MED27: variants seen among roughly 807,000 people sequenced by gnomAD.
MED27 encodes the protein mediator of RNA polymerase II transcription subunit 27.
Under a neutral mutation model 38.2 loss-of-function variants are expected in MED27, and 30 were observed. The observed-to-expected ratio is 0.79, with a 90% confidence interval of 0.59 to 1.07. The LOEUF is 1.07. MED27 is among the 50% of genes least tolerant of loss of function. The pLI, the probability that MED27 is intolerant of heterozygous loss-of-function variation, is 0.00. For missense variants in MED27, 289 were observed against 397.5 expected, an observed-to-expected ratio of 0.73 and a Z score of 2.32; for synonymous variants, 122 against 153.5, an observed-to-expected ratio of 0.79 and a Z score of 1.52.
chr9:131,980,323 C>G (rs1831703898), intron 3 of MED27, among the ~76,000 whole-genome samples: 1 of 152,066 alleles, frequency 6.6e-6, no homozygotes, highest in Non-Finnish European at 1.5e-5. Context: ...AAATGCTGGA[C>G]CAGGCAAAAT....
chr9:132,044,935 T>C, intron 2 of MED27, among the ~76,000 whole-genome samples: 1 of 152,114 alleles, frequency 6.6e-6, no homozygotes, highest in Non-Finnish European at 1.5e-5. Flanking sequence ...TTAGATCAAT[T>C]AGAGTTAAAA....
intron 4 of MED27, among the ~76,000 whole-genome samples, chr9:131,937,985 A>C (rs1416116302): frequency 6.6e-6 from 1 of 152,184 alleles, no homozygotes; most frequent in African/African-American, 2.4e-5. Flanking sequence ...TTTTCTATGA[A>C]AAAAACATCG....
At chr9:132,053,448 T>C (rs1412774968) in intron 2 of MED27, among the ~76,000 whole-genome samples, 6 of 151,124 alleles carry the variant, frequency 4.0e-5, no homozygotes, top group Non-Finnish European at 5.9e-5. Flanking sequence ...TTACCTCTTG[T>C]AACAAAAAAA....
In MED27 at chr9:132,033,639, T is replaced by C. The variant is rs555386166; in HGVS notation, c.349-19172A>G. Among the ~76,000 whole-genome samples, 3 of 152,354 alleles carry C rather than the reference T, an allele frequency of 2.0e-5. No individual in the cohort carries two copies. In the South Asian group the frequency reaches 6.2e-4, roughly 32 times the overall value. ...CCAACTGTTCTGAGATCTCTGCCAT[T>C]ATTGGCATAACTGGATGAGTTAATA... is the stretch of plus-strand genomic sequence containing the variant. On this transcript the variant is annotated intron_variant, in intron 2 of 7. Coordinates refer to ENST00000292035, the MANE Select transcript of MED27 (RefSeq NM_004269.4).
intron 3 of MED27, among the ~76,000 whole-genome samples, chr9:131,951,665 G>A (rs935625819): frequency 6.6e-6 from 1 of 152,244 alleles, no homozygotes; most frequent in Non-Finnish European, 1.5e-5. Context: ...AAGTAAAGGA[G>A]TGAACACAGC....
Position 132,079,846 on chromosome 9 carries a change from T to G in MED27, c.-2A>C, listed in dbSNP as rs1345101580. 6.3e-7 allele frequency: 1 copy of G among 1,577,292 alleles called. No homozygotes were observed. Reference sequence around the variant, plus strand: ...ACTGACATTTATCACGTCCGCCATGTTGCCGCCGCCACAGCAGCTCTCCAA... The same window carrying G: ...ACTGACATTTATCACGTCCGCCATGGTGCCGCCGCCACAGCAGCTCTCCAA... On this transcript the variant is annotated 5_prime_UTR_variant, in exon 1 of 8. Coordinates refer to ENST00000292035, the MANE Select transcript of MED27 (RefSeq NM_004269.4).
At chr9:131,877,721 C>T (rs1265576623) in intron 6 of MED27, among the ~76,000 whole-genome samples, 2 of 152,194 alleles carry the variant, frequency 1.3e-5, no homozygotes, top group Non-Finnish European at 2.9e-5. Context: ...GGGGAATGAT[C>T]CCATGTTGAA....
intron 2 of MED27, among the ~76,000 whole-genome samples, chr9:132,039,529 C>T (rs543446766): frequency 2.0e-5 from 3 of 152,252 alleles, no homozygotes; most frequent in Non-Finnish European, 4.4e-5. Flanking sequence ...GACTCCATCC[C>T]GAGGTACTGA....
chr9:131,950,431 C>T (rs111255789), intron 3 of MED27, among the ~76,000 whole-genome samples: 38 of 152,218 alleles, frequency 2.5e-4, no homozygotes, highest in Non-Finnish European at 2.4e-4. Flanking sequence ...AGGACTGTCG[C>T]TGTGGCACCT....
intron 6 of MED27, chr9:131,869,435 C>T (rs1333629602): frequency 3.1e-6 from 3 of 978,764 alleles, no homozygotes; most frequent in Non-Finnish European, 3.6e-6. Context: ...TAAATCCACT[C>T]TGTGGCAGCC....
chr9:131,887,109 AAAG>A (rs531463066), intron 5 of MED27, among the ~76,000 whole-genome samples: 11 of 152,364 alleles, frequency 7.2e-5, no homozygotes, highest in East Asian at 5.8e-4. Flanking sequence ...GAAAAACAGA[AAAG>A]AAGAATCTGC....
intron 2 of MED27, among the ~76,000 whole-genome samples, chr9:132,062,704 A>C (rs1322260184): frequency 1.3e-5 from 2 of 152,018 alleles, no homozygotes; most frequent in East Asian, 3.9e-4. Context: ...TATAGCCTCA[A>C]ACTCCTGGGC....
intron 3 of MED27, among the ~76,000 whole-genome samples, chr9:131,967,231 G>A (rs1831368152): frequency 6.6e-6 from 1 of 152,112 alleles, no homozygotes; most frequent in Non-Finnish European, 1.5e-5. Flanking sequence ...TCCAATTTGT[G>A]GGTGTTAATT....
intron 2 of MED27, among the ~76,000 whole-genome samples, chr9:132,035,732 G>C (rs1430143716): frequency 6.6e-6 from 1 of 152,198 alleles, no homozygotes; most frequent in Non-Finnish European, 1.5e-5. Flanking sequence ...GGAGGCCAAG[G>C]CAGGAGAATT....
chr9:132,071,307 C>T (rs1221663664), intron 2 of MED27, among the ~76,000 whole-genome samples: 1 of 152,096 alleles, frequency 6.6e-6, no homozygotes, highest in Non-Finnish European at 1.5e-5. Flanking sequence ...TGAACGAGCA[C>T]ACACACGAGA....
intron 3 of MED27, among the ~76,000 whole-genome samples, chr9:131,969,047 C>T (rs1304122853): frequency 6.6e-6 from 1 of 152,124 alleles, no homozygotes; most frequent in Non-Finnish European, 1.5e-5. Context: ...TCAGGGCTCC[C>T]ATTAATCCTA....
chr9:131,878,907 C>A (rs895562949), intron 6 of MED27, among the ~76,000 whole-genome samples: 1 of 151,898 alleles, frequency 6.6e-6, no homozygotes, highest in Non-Finnish European at 1.5e-5. Flanking sequence ...CTTCTTCACC[C>A]TAGGACCAAG....
At chr9:131,951,181 G>A (rs985774669) in intron 3 of MED27, among the ~76,000 whole-genome samples, 1 of 152,202 alleles carries the variant, frequency 6.6e-6, no homozygotes, top group African/African-American at 2.4e-5. Flanking sequence ...GCTTTCGGGT[G>A]TCTACTGAAC....
chr9:132,015,391 A>G (rs1409039518), intron 2 of MED27, among the ~76,000 whole-genome samples: 2 of 152,358 alleles, frequency 1.3e-5, no homozygotes, highest in African/African-American at 2.4e-5. Flanking sequence ...GACTTAGGAT[A>G]GATAACTTTA....
Sources: allele counts gnomAD v4.1 joint callset (sites outside exome capture counted in the v4.1 genomes callset), GRCh38; gene constraint gnomAD v4.1.1; transcripts MANE v1.5; gene names NCBI Gene and HGNC (gene_info 2026-07-23, HGNC 2026-07-21).